Variants in PIGL observed in about 807,000 individuals in gnomAD.
The protein encoded by PIGL is phosphatidylinositol glycan anchor biosynthesis class L.
PIGL carries 22 observed loss-of-function variants against 31.1 expected under a neutral mutation model. The observed-to-expected ratio is 0.71, with a 90% CI of 0.51 to 1.01. PIGL has a LOEUF of 1.01. Ranked by LOEUF, PIGL falls within the 50% of genes least tolerant of loss-of-function variation. PIGL has a pLI of 0.00. For synonymous variants in PIGL, 131 were observed against 117.4 expected (o/e 1.12, Z -0.75); for missense variants, 302 against 315.9 (o/e 0.96, Z 0.33).
At chr17:16,229,094 G>T (rs1392403200) in intron 1 of PIGL, among the ~76,000 whole-genome samples, 1 of 151,904 alleles carries the variant, frequency 6.6e-6, no homozygotes, top group Non-Finnish European at 1.5e-5. Context: ...AACATAGTGA[G>T]ATTTCGTCTT....
chr17:16,250,077 G>T (rs190499459), intron 2 of PIGL, among the ~76,000 whole-genome samples: 1 of 152,098 alleles, frequency 6.6e-6, no homozygotes, highest in Non-Finnish European at 1.5e-5. Flanking sequence ...CTCCCAAGTC[G>T]CTGGGATTAC....
intron 2 of PIGL, among the ~76,000 whole-genome samples, chr17:16,277,333 A>T (rs2092900148): frequency 6.6e-6 from 1 of 152,252 alleles, no homozygotes; most frequent in Non-Finnish European, 1.5e-5. Context: ...GCCATAAGTT[A>T]AAAATGCTCA....
chr17:16,247,918 C>T (rs2092755659), intron 2 of PIGL, among the ~76,000 whole-genome samples: 1 of 151,910 alleles, frequency 6.6e-6, no homozygotes, highest in African/African-American at 2.4e-5. Flanking sequence ...GATGGAGTCT[C>T]ACTCTGTCGC....
intron 3 of PIGL, among the ~76,000 whole-genome samples, chr17:16,310,792 C>T: frequency 6.6e-6 from 1 of 152,210 alleles, no homozygotes; most frequent in South Asian, 2.1e-4. Flanking sequence ...GCCTCAGTCT[C>T]CCAAAGGTCT....
intron 2 of PIGL, among the ~76,000 whole-genome samples, chr17:16,234,430 G>A (rs1435093498): frequency 6.6e-6 from 1 of 151,930 alleles, no homozygotes; most frequent in African/African-American, 2.4e-5. Flanking sequence ...CTGGGCGACA[G>A]TGAGACTTCA....
chr17:16,321,630 T>G (rs2142878915), intron 6 of PIGL, among the ~76,000 whole-genome samples: 1 of 152,296 alleles, frequency 6.6e-6, no homozygotes, highest in South Asian at 2.1e-4. Context: ...CACATATTAA[T>G]TATCTTGTTT....
Position 16,299,928 on chromosome 17 carries a change from C to T in PIGL, c.376C>T (p.His126Tyr). The T allele has an allele frequency of 6.2e-7, 1 of 1,614,050 alleles. No homozygotes were observed. Among genetic ancestry groups the T allele is most frequent in the Non-Finnish European group, 8.5e-7 (1 of 1,179,882 alleles). ...CCCAGGCATGCAGTGGGACACAGAG[C>T]ACGTGGCCAGAGTCCTCCTTCAGCA... The part of the protein sequence containing the change: ...DDPGMQWDTE[H>Y]VARVLLQHIE... Residue 126 changes from histidine to tyrosine, a missense_variant, in exon 3 of 7, where the codon CAC becomes TAC. His to Tyr is a moderately conservative substitution (Grantham distance 83, BLOSUM62 2). Transcript: ENST00000225609.
intron 2 of PIGL, among the ~76,000 whole-genome samples, chr17:16,292,683 G>A (rs2092966002): frequency 6.6e-6 from 1 of 152,166 alleles, no homozygotes; most frequent in South Asian, 2.1e-4. Context: ...ATCTATAAAT[G>A]AGAATTTGGC....
At chr17:16,262,257 G>A (rs555090901) in intron 2 of PIGL, among the ~76,000 whole-genome samples, 12 of 152,200 alleles carry the variant, frequency 7.9e-5, no homozygotes, top group African/African-American at 2.6e-4. Flanking sequence ...AAAAACAGGC[G>A]AAGGACTTGA....
rs115958467 is a variant in PIGL, at chr17:16,299,976, C to A, written c.424C>A (p.Leu142Met). 5.8e-3 allele frequency: 9,413 copies of A among 1,611,252 alleles called. 47 individuals carry two copies. Among genetic ancestry groups the A allele is most frequent in the Non-Finnish European group, 6.9e-3 (8,088 of 1,177,418 alleles). Residue 142 changes from leucine (L) to methionine (M), a missense_variant and splice_region_variant, in exon 3 of 7, where the codon CTG (leucine) becomes ATG (methionine). By Grantham distance (15) the Leu-to-Met change is conservative. Coordinates refer to ENST00000225609, the MANE Select transcript of PIGL (RefSeq NM_004278.4). The stretch of plus-strand genomic sequence containing the variant: ...GCACATAGAAGTGAATGGCATCAAT[C>A]TGGTAAGGGGGCAGCTCCCTGAATG... ...LQHIEVNGIN[L>M]VVTFDAGGVS...
At chr17:16,288,547 T>C (rs2092947605) in intron 2 of PIGL, among the ~76,000 whole-genome samples, 2 of 39,858 alleles carry the variant, frequency 5.0e-5, no homozygotes, top group African/African-American at 2.1e-4. Context: ...TTTCTTTTTC[T>C]TTTTTTTTGA....
intron 1 of PIGL, among the ~76,000 whole-genome samples, chr17:16,219,229 GTTTT>G (rs1274713655): frequency 2.6e-5 from 4 of 151,288 alleles, no homozygotes; most frequent in Non-Finnish European, 4.4e-5. Context: ...TTTTTTATTT[GTTTT>G]TAGTTTTTAG....
chr17:16,315,708 CTTT>C (rs1157169209), intron 4 of PIGL, among the ~76,000 whole-genome samples: 84 of 59,000 alleles, frequency 1.4e-3, no homozygotes, highest in African/African-American at 4.8e-3. Flanking sequence ...TTCTTTCTTT[CTTT>C]TTTTTTTTTT....
chr17:16,274,957 G>A (rs1377689198), intron 2 of PIGL, among the ~76,000 whole-genome samples: 1 of 151,802 alleles, frequency 6.6e-6, no homozygotes, highest in African/African-American at 2.4e-5. Flanking sequence ...GCTGGAACCC[G>A]GGAGGCAGAG....
At chr17:16,249,560 A>C (rs2092762409) in intron 2 of PIGL, among the ~76,000 whole-genome samples, 1 of 152,220 alleles carries the variant, frequency 6.6e-6, no homozygotes, top group South Asian at 2.1e-4. Context: ...GCCCGTGATT[A>C]TGGAGGCTGA....
intron 2 of PIGL, among the ~76,000 whole-genome samples, chr17:16,291,281 C>A (rs1417264866): frequency 6.6e-6 from 1 of 151,232 alleles, no homozygotes; most frequent in Non-Finnish European, 1.5e-5. Context: ...CTGAGGCGGG[C>A]GGATCACTTG....
rs531429722 is a variant in PIGL, at chr17:16,221,911, G to A, written c.235+4450G>A. On this transcript the variant is annotated intron_variant, in intron 1 of 6. Transcript: ENST00000225609. ...TGGGATTACAGACGTGAGCCACCAC[G>A]CCTGGCCAATTTTTGCATTTTTAAT... Among the ~76,000 whole-genome samples, 14 of 152,114 alleles carry A rather than the reference G, an allele frequency of 9.2e-5. No homozygotes were observed. The South Asian group carries it at 1.9e-3, about 20-fold the overall frequency.
intron 2 of PIGL, among the ~76,000 whole-genome samples, chr17:16,249,197 G>A (rs942999377): frequency 1.3e-5 from 2 of 152,158 alleles, no homozygotes; most frequent in African/African-American, 4.8e-5. Context: ...CACCATTCTG[G>A]CTGGGCACAG....
Position 16,317,865 on chromosome 17 carries a change from A to G in PIGL, c.617A>G (p.Asp206Gly). ...DLPLSLLHTQ[D>G]VLFVLNSKEV... ...CCCTTGTCTCTGCTTCATACGCAGG[A>G]TGTCCTCTTCGTGCTCAACAGCAAA... Residue 206 changes from aspartate (D) to glycine (G), a missense_variant, in exon 6 of 7, where the codon GAT becomes GGT. Coordinates refer to ENST00000225609, the MANE Select transcript of PIGL (RefSeq NM_004278.4). The G allele has an allele frequency of 1.9e-6, 3 of 1,614,058 alleles. No homozygotes were observed. The highest frequency in any genetic ancestry group is 1.1e-5 in the South Asian group (1 of 91,078).
Sources: gnomAD v4.1 joint callset for allele counts (sites outside exome capture counted in the v4.1 genomes callset) on GRCh38, gnomAD v4.1.1 for gene constraint, MANE v1.5 for transcripts, NCBI Gene and HGNC (gene_info 2026-07-23, HGNC 2026-07-21) for gene names.